Variants in FLRT2 observed in about 807,000 individuals in gnomAD.
The protein encoded by FLRT2 is leucine-rich repeat transmembrane protein FLRT2.
A neutral mutation model predicts 40.0 loss-of-function variants in FLRT2; 15 were observed. The observed-to-expected ratio is 0.38, with a 90% CI of 0.25 to 0.58. FLRT2 has a LOEUF of 0.58. FLRT2 is among the 20% of genes least tolerant of loss of function. FLRT2 has a pLI of 0.71. For synonymous variants in FLRT2, 380 were observed against 336.8 expected, an observed-to-expected ratio of 1.13 and a Z score of -1.41; for missense variants, 726 against 840.0, an observed-to-expected ratio of 0.86 and a Z score of 1.68.
chr14:85,569,280 T>C (rs1195835362), intron 1 of FLRT2, among the ~76,000 whole-genome samples: 1 of 152,176 alleles, frequency 6.6e-6, no homozygotes, highest in Non-Finnish European at 1.5e-5. Flanking sequence ...ACACTGATTG[T>C]CAAGCCCACC....
At chr14:85,564,326 T>C (rs1477964121) in intron 1 of FLRT2, among the ~76,000 whole-genome samples, 2 of 152,216 alleles carry the variant, frequency 1.3e-5, no homozygotes, top group African/African-American at 2.4e-5. Context: ...TTAACCCATA[T>C]GTTGAGTAAA....
Position 85,622,274 on chromosome 14 carries a change from C to T in FLRT2, c.760C>T (p.Leu254=), listed in dbSNP as rs370726388. 2.4e-5 allele frequency: 38 copies of T among 1,614,068 alleles called. No homozygotes were observed. The highest frequency in any genetic ancestry group is 6.7e-5 in the Admixed American group (4 of 60,002). The change falls in exon 2 of 2, where the codon CTG becomes TTG. Residue 254 remains leucine (L), a synonymous_variant. Transcript: ENST00000330753. Reference sequence around the variant, plus strand: ...TCCTCCCGATCTCCCAGGTACGCATCTGATCAGGCTCTATTTGCAGGACAA... The same window carrying T: ...TCCTCCCGATCTCCCAGGTACGCATTTGATCAGGCTCTATTTGCAGGACAA... ...HPPPDLPGTH[L]IRLYLQDNQI...
At chr14:85,598,167 C>G (rs552068334) in intron 1 of FLRT2, among the ~76,000 whole-genome samples, 1 of 152,320 alleles carries the variant, frequency 6.6e-6, no homozygotes, top group Admixed American at 6.5e-5. Context: ...AGGCCATTTA[C>G]TAAGTAAAAA....
chr14:85,533,349 A>G (rs1476016035), intron 1 of FLRT2, among the ~76,000 whole-genome samples: 1 of 151,914 alleles, frequency 6.6e-6, no homozygotes, highest in Non-Finnish European at 1.5e-5. Flanking sequence ...GGATTGAGGC[A>G]GTAGTGTGGT....
chr14:85,615,602 A>T (rs1043163304), intron 1 of FLRT2, among the ~76,000 whole-genome samples: 1 of 129,514 alleles, frequency 7.7e-6, no homozygotes, highest in Non-Finnish European at 1.7e-5. Flanking sequence ...AGTGAATGAG[A>T]TAGAAAAATG....
intron 1 of FLRT2, among the ~76,000 whole-genome samples, chr14:85,540,898 T>C (rs1888948785): frequency 6.6e-6 from 1 of 152,098 alleles, no homozygotes. Context: ...TGCTACTACT[T>C]TAAAGAGGTC....
At chr14:85,533,769 C>CGCCCCG (rs1279474384) in intron 1 of FLRT2, among the ~76,000 whole-genome samples, 1 of 151,636 alleles carries the variant, frequency 6.6e-6, no homozygotes, top group Non-Finnish European at 1.5e-5. Flanking sequence ...GCGAGCTGGG[C>CGCCCCG]GCCCCGGCCC....
In FLRT2 at chr14:85,636,217, A is replaced by T. The variant is rs1893995026; in HGVS notation, c.*12720A>T. On this transcript the variant is annotated 3_prime_UTR_variant, in exon 2 of 2. Coordinates refer to ENST00000330753, the MANE Select transcript of FLRT2 (RefSeq NM_013231.6). ...TGTTTTAAAGTTAGTTTTAAATATT[A>T]TGCTACCTCTATAAAGGACCAAAAT... The T allele has an allele frequency of 6.6e-6, 1 of 152,092 alleles. No individual in the cohort carries two copies. The highest frequency in any genetic ancestry group is 1.5e-5 in the Non-Finnish European group (1 of 67,982). 9.4% of individuals were successfully genotyped at this position (152,092 alleles called of 1,614,324 possible). A position where few individuals can be genotyped will look rare whatever the true frequency, so the allele number is the denominator to read the frequency against.
chr14:85,605,787 A>C (rs952235935), intron 1 of FLRT2, among the ~76,000 whole-genome samples: 9 of 152,206 alleles, frequency 5.9e-5, no homozygotes, highest in East Asian at 5.8e-4. Flanking sequence ...TAAATAAATA[A>C]AATAAAATAA....
chr14:85,621,619 C>T lies in FLRT2; in HGVS notation c.105C>T (p.Ala35=). The change falls in exon 2 of 2, where the codon GCC becomes GCT. Residue 35 remains alanine (A), a synonymous_variant. Transcript: ENST00000330753. Reference sequence around the variant, plus strand: ...ACTCACAGGTGTCCAAACTCCTGGCCTGCCCTAGTGTGTGCCGCTGCGACA... The same window carrying T: ...ACTCACAGGTGTCCAAACTCCTGGCTTGCCCTAGTGTGTGCCGCTGCGACA... The part of the protein sequence containing the change: ...GLYSQVSKLL[A]CPSVCRCDRN... 1 of 1,614,152 alleles carries T rather than the reference C, an allele frequency of 6.2e-7. No individual in the cohort carries two copies. The highest frequency in any genetic ancestry group is 8.5e-7 in the Non-Finnish European group (1 of 1,180,030).
At chr14:85,595,150 AC>A (rs1230843356) in intron 1 of FLRT2, among the ~76,000 whole-genome samples, 1 of 152,092 alleles carries the variant, frequency 6.6e-6, no homozygotes, top group Non-Finnish European at 1.5e-5. Flanking sequence ...ACTTGGTGCT[AC>A]TTTTATTCAA....
rs1461824047 is a variant in FLRT2, at chr14:85,642,271, G to C, written c.*18774G>C. 6.6e-6 allele frequency: 1 copy of C among 152,012 alleles called. No homozygotes were observed. The highest frequency in any genetic ancestry group is 1.5e-5 in the Non-Finnish European group (1 of 68,002). 9.4% of individuals were successfully genotyped at this position (152,012 alleles called of 1,614,324 possible). On this transcript the variant is annotated 3_prime_UTR_variant, in exon 2 of 2. Transcript: ENST00000330753. Reference sequence around the variant, plus strand: ...TTAGGGCATTGAGTGAGAAATATCAGAAACCCAGAGCATTATAATGGGAAT... The same window carrying C: ...TTAGGGCATTGAGTGAGAAATATCACAAACCCAGAGCATTATAATGGGAAT...
chr14:85,637,870 A>T lies in FLRT2; in HGVS notation c.*14373A>T, dbSNP rs554862025. ...ACCAGTGGTAATAATAGGGTTAATT[A>T]TATGAACCCATATAGTAGTGTCATT... On this transcript the variant is annotated 3_prime_UTR_variant, in exon 2 of 2. Coordinates refer to ENST00000330753, the MANE Select transcript of FLRT2 (RefSeq NM_013231.6). 6 of 152,344 alleles carry T rather than the reference A, an allele frequency of 3.9e-5. No homozygotes were observed. Among genetic ancestry groups the T allele is most frequent in the Admixed American group, 2.0e-4 (3 of 15,304 alleles). 9.4% of individuals were successfully genotyped at this position (152,344 alleles called of 1,614,324 possible).
intron 1 of FLRT2, among the ~76,000 whole-genome samples, chr14:85,546,327 G>A (rs1030677778): frequency 6.6e-5 from 10 of 152,134 alleles, no homozygotes; most frequent in African/African-American, 1.9e-4. Context: ...CCTTTAAGTA[G>A]CTAGACTGTG....
chr14:85,568,708 A>G (rs1890748178), intron 1 of FLRT2, among the ~76,000 whole-genome samples: 1 of 152,126 alleles, frequency 6.6e-6, no homozygotes. Flanking sequence ...AGGCCACTTC[A>G]CTATGGAGCC....
intron 1 of FLRT2, among the ~76,000 whole-genome samples, chr14:85,593,748 T>C (rs976806677): frequency 1.3e-5 from 2 of 152,232 alleles, no homozygotes; most frequent in African/African-American, 4.8e-5. Context: ...GCATTAAAGA[T>C]ACTTAGCATC....
In FLRT2 at chr14:85,622,283, C is replaced by A. The variant is rs763159145; in HGVS notation, c.769C>A (p.Leu257Ile). The A allele has an allele frequency of 2.5e-6, 4 of 1,614,142 alleles. No homozygotes were observed. The Admixed American group carries it at 6.7e-5, about 27-fold the overall frequency. Residue 257 changes from leucine to isoleucine, a missense_variant, in exon 2 of 2, where the codon CTC (leucine) becomes ATC (isoleucine). By Grantham distance (5) the Leu-to-Ile change is conservative. Coordinates refer to ENST00000330753, the MANE Select transcript of FLRT2 (RefSeq NM_013231.6). ...PDLPGTHLIRLYLQDNQINHI... is the reference protein window; with the variant it reads ...PDLPGTHLIRIYLQDNQINHI... ...TCTCCCAGGTACGCATCTGATCAGG[C>A]TCTATTTGCAGGACAACCAGATAAA...
At position 85,644,724 on chromosome 14, in the gene FLRT2, G is replaced by A. The variant is rs144217536; in HGVS notation, c.*21227G>A. On this transcript the variant is annotated 3_prime_UTR_variant, in exon 2 of 2. Coordinates refer to ENST00000330753, the MANE Select transcript of FLRT2 (RefSeq NM_013231.6). ...TTCGATACTTTGGATTCAATACTTA[G>A]TAATCCCTAAAGCTGTGAATTTGGA... 1 of 152,198 alleles carries A rather than the reference G, an allele frequency of 6.6e-6. No individual in the cohort carries two copies. The highest frequency in any genetic ancestry group is 2.4e-5 in the African/African-American group (1 of 41,438). The allele number at this position is 152,198 out of a possible 1,614,324, so 9.4% of individuals were successfully genotyped here. A position where few individuals can be genotyped will look rare whatever the true frequency, so the allele number is the denominator to read the frequency against.
At chr14:85,541,274 A>G (rs1888970544) in intron 1 of FLRT2, among the ~76,000 whole-genome samples, 1 of 152,192 alleles carries the variant, frequency 6.6e-6, no homozygotes, top group African/African-American at 2.4e-5. Flanking sequence ...CATTCAGGAG[A>G]TGATTTTTAG....
Sources: allele counts gnomAD v4.1 joint callset (sites outside exome capture counted in the v4.1 genomes callset), GRCh38; gene constraint gnomAD v4.1.1; transcripts MANE v1.5; gene names NCBI Gene and HGNC (gene_info 2026-07-23, HGNC 2026-07-21).